The following GRIK2 variants were observed in gnomAD, a reference collection of about 807,000 sequenced individuals.
The protein encoded by GRIK2 is glutamate ionotropic receptor kainate type subunit 2, also known as glutamate receptor ionotropic, kainate 2.
A neutral mutation model predicts 100.3 loss-of-function variants in GRIK2; 32 were observed. The observed-to-expected ratio is 0.32, with a 90% CI of 0.24 to 0.43. The LOEUF (loss-of-function observed/expected upper bound fraction) is 0.43, where lower values mean the gene tolerates loss of function less well. GRIK2 is among the 20% of genes least tolerant of loss of function. GRIK2 has a pLI of 1.00. For missense variants in GRIK2, 843 were observed against 1,114.9 expected (o/e 0.76, Z 3.47); for synonymous variants, 417 against 389.4 (o/e 1.07, Z -0.83).
intron 2 of GRIK2, among the ~76,000 whole-genome samples, chr6:101,429,684 T>C (rs923825196): frequency 1.3e-5 from 2 of 152,110 alleles, no homozygotes; most frequent in African/African-American, 4.8e-5. Flanking sequence ...GTTTTTTTCT[T>C]TTTTTCTGTT....
chr6:101,743,968 A>G (rs1432944532), intron 7 of GRIK2, among the ~76,000 whole-genome samples: 1 of 151,918 alleles, frequency 6.6e-6, no homozygotes, highest in Non-Finnish European at 1.5e-5. Flanking sequence ...TTTGAGATGG[A>G]GTCTCACTCT....
intron 2 of GRIK2, among the ~76,000 whole-genome samples, chr6:101,603,827 C>T (rs1171030394): frequency 7.9e-5 from 12 of 151,558 alleles, no homozygotes; most frequent in Non-Finnish European, 1.5e-5. Flanking sequence ...GCTTTAACAA[C>T]CAGGAATTTC....
intron 2 of GRIK2, among the ~76,000 whole-genome samples, chr6:101,404,653 A>T (rs2128236510): frequency 6.6e-6 from 1 of 152,340 alleles, no homozygotes; most frequent in Admixed American, 6.5e-5. Flanking sequence ...GGCTTGCAGG[A>T]GATCCCTGAT....
At chr6:102,028,150 T>A (rs951624125) in intron 14 of GRIK2, among the ~76,000 whole-genome samples, 1 of 151,220 alleles carries the variant, frequency 6.6e-6, no homozygotes, top group African/African-American at 2.4e-5. Context: ...TCTATAAGTT[T>A]TAAATTGTTA....
chr6:101,496,083 T>C (rs965818637), intron 2 of GRIK2, among the ~76,000 whole-genome samples: 2 of 152,058 alleles, frequency 1.3e-5, no homozygotes, highest in Non-Finnish European at 1.5e-5. Flanking sequence ...GTAGCTGGGA[T>C]TACAGGCGCA....
At chr6:101,599,427 T>C (rs1779089209) in intron 2 of GRIK2, among the ~76,000 whole-genome samples, 1 of 151,850 alleles carries the variant, frequency 6.6e-6, no homozygotes, top group African/African-American at 2.4e-5. Context: ...CTTTTAGATA[T>C]ATACCCAGTA....
intron 4 of GRIK2, among the ~76,000 whole-genome samples, chr6:101,627,437 C>A (rs1188059818): frequency 1.3e-5 from 2 of 152,074 alleles, no homozygotes; most frequent in African/African-American, 4.8e-5. Context: ...CCACTGGACC[C>A]ATTCTGAAAT....
At chr6:101,911,444 A>G (rs1416244918) in intron 12 of GRIK2, among the ~76,000 whole-genome samples, 1 of 151,490 alleles carries the variant, frequency 6.6e-6, no homozygotes, top group East Asian at 1.9e-4. Context: ...TTGTAAATGT[A>G]TTTGGGTAGC....
intron 10 of GRIK2, among the ~76,000 whole-genome samples, chr6:101,847,202 T>G (rs2128438039): frequency 6.6e-6 from 1 of 152,280 alleles, no homozygotes; most frequent in Middle Eastern, 3.4e-3. Context: ...GCTTTTGTTT[T>G]CATTCATCAC....
chr6:101,799,305 G>GTGTGTATA (rs10601554), intron 7 of GRIK2, among the ~76,000 whole-genome samples: 1 of 149,530 alleles, frequency 6.7e-6, no homozygotes, highest in Non-Finnish European at 1.5e-5. Flanking sequence ...GTGTGTGTGT[G>GTGTGTATA]TATAAGTGAG....
chr6:102,063,412 G>C (rs978810124), intron 16 of GRIK2, among the ~76,000 whole-genome samples: 1 of 150,614 alleles, frequency 6.6e-6, no homozygotes, highest in Non-Finnish European at 1.5e-5. Flanking sequence ...TTCAAAAAGA[G>C]AGTGATGAGC....
intron 11 of GRIK2, among the ~76,000 whole-genome samples, chr6:101,867,135 C>T (rs183393297): frequency 6.6e-6 from 1 of 152,032 alleles, no homozygotes; most frequent in African/African-American, 2.4e-5. Flanking sequence ...TAAGTCCATA[C>T]TGATTGGACC....
chr6:101,813,976 AAT>A (rs2128419933), intron 9 of GRIK2, among the ~76,000 whole-genome samples: 1 of 151,964 alleles, frequency 6.6e-6, no homozygotes, highest in East Asian at 1.9e-4. Flanking sequence ...AAAAAAAAAA[AAT>A]GTTAACTAAA....
intron 12 of GRIK2, among the ~76,000 whole-genome samples, chr6:101,922,646 G>A (rs768728907): frequency 9.9e-5 from 15 of 152,062 alleles, no homozygotes; most frequent in Admixed American, 1.3e-4. Flanking sequence ...TTTAGAATAC[G>A]CTTATGGGTT....
At chr6:101,762,517 G>A (rs572374786) in intron 7 of GRIK2, among the ~76,000 whole-genome samples, 3 of 152,138 alleles carry the variant, frequency 2.0e-5, no homozygotes, top group Non-Finnish European at 2.9e-5. Flanking sequence ...ACACGTGTGA[G>A]CCACCATCCA....
At chr6:102,013,949 A>G (rs1381713390) in intron 14 of GRIK2, among the ~76,000 whole-genome samples, 4 of 152,002 alleles carry the variant, frequency 2.6e-5, no homozygotes, top group African/African-American at 9.7e-5. Context: ...CTCATAGAAT[A>G]AGGTAGGGAG....
intron 14 of GRIK2, among the ~76,000 whole-genome samples, chr6:102,032,576 A>G (rs1227745792): frequency 6.6e-6 from 1 of 151,290 alleles, no homozygotes; most frequent in Non-Finnish European, 1.5e-5. Context: ...TGCCCCAGCC[A>G]AAGAATACTT....
intron 2 of GRIK2, among the ~76,000 whole-genome samples, chr6:101,494,031 TAA>T (rs1773294613): frequency 1.1e-5 from 1 of 87,122 alleles, no homozygotes. Flanking sequence ...ATTATATATA[TAA>T]TTTATTATAT....
intron 14 of GRIK2, among the ~76,000 whole-genome samples, chr6:101,958,284 G>GTGTGTGTGTGTGT (rs758541113): frequency 0.027 from 515 of 18,888 alleles, 5 homozygotes; most frequent in Admixed American, 0.067. Context: ...TGTGTGTGTG[G>GTGTGTGTGTGTGT]GTCCATTGCA....
Sources: allele counts gnomAD v4.1 joint callset (sites outside exome capture counted in the v4.1 genomes callset), GRCh38; gene constraint gnomAD v4.1.1; transcripts MANE v1.5; gene names NCBI Gene and HGNC (gene_info 2026-07-23, HGNC 2026-07-21).